HLA-DRB1: variants seen among roughly 807,000 people sequenced by gnomAD.
HLA-DRB1 encodes the protein major histocompatibility complex, class II, DR beta 1.
In HLA-DRB1, 10 loss-of-function variants were observed where a neutral mutation model predicts 27.9. That is an observed-to-expected ratio of 0.36 (90% CI 0.22 to 0.61). The LOEUF (loss-of-function observed/expected upper bound fraction) is 0.61. Among genes scored for constraint, HLA-DRB1 ranks in the 20% least tolerant of loss-of-function variants. HLA-DRB1 has a pLI of 0.73. For missense variants in HLA-DRB1, 118 were observed against 306.3 expected (o/e 0.39, Z 4.59); for synonymous variants, 57 against 126.7 (o/e 0.45, Z 3.69).
At chr6:32,589,189 A>AGAG (rs34124973) in intron 1 of HLA-DRB1, among the ~76,000 whole-genome samples, 59,313 of 92,150 alleles carry the variant, frequency 0.64, 21,430 homozygotes, top group Middle Eastern at 0.78. Flanking sequence ...TATGAGGACT[A>AGAG]TGGCCAACAC....
rs1207397234 is a variant in HLA-DRB1, at chr6:32,580,818, C to A, written c.691G>T (p.Gly231Ter). Residue 231 changes from glycine (G) to a stop codon, truncating the protein, a stop_gained, in exon 4 of 6, where the codon GGA (glycine) becomes TGA (stop). Coordinates refer to ENST00000360004, the Ensembl canonical transcript of HLA-DRB1. LOFTEE classifies it high-confidence loss of function. ...AGGCCCAGCACAAAGCCCCCGACTC[C>A]ACTCAGCATCTTGCTCTGTGCAGAT... The A allele has an allele frequency of 6.2e-7, 1 of 1,613,402 alleles. No individual in the cohort carries two copies. Among genetic ancestry groups the A allele is most frequent in the Admixed American group, 1.7e-5 (1 of 59,870 alleles).
At chr6:32,588,688 C>T (rs1776892364) in intron 1 of HLA-DRB1, among the ~76,000 whole-genome samples, 1 of 63,292 alleles carries the variant, frequency 1.6e-5, no homozygotes, top group Non-Finnish European at 3.2e-5. Flanking sequence ...TGACTTTCAG[C>T]CCTATGAGAC....
rs71540435 is a variant in HLA-DRB1 at position 32,579,296 on chromosome 6, A to G, written c.788-192T>C. 6.7e-3 allele frequency among the ~76,000 whole-genome samples: 527 copies of G among 78,094 alleles called. 19 individuals carry two copies. Among genetic ancestry groups the G allele is most frequent in the Middle Eastern group, 0.024 (3 of 124 alleles). The allele number at this position is 78,094 out of a possible 152,430, so 51.2% of individuals were successfully genotyped here. Reference sequence around the variant, plus strand: ...GAGGAATTTTGGTGTAAATTGCCTGATCAGAAATTTGGATCCAAAGTCTTT... The same window carrying G: ...GAGGAATTTTGGTGTAAATTGCCTGGTCAGAAATTTGGATCCAAAGTCTTT... On this transcript the variant is annotated intron_variant, in intron 5 of 5. Coordinates refer to ENST00000360004, the Ensembl canonical transcript of HLA-DRB1.
At chr6:32,581,313 A>G (rs9269789) in intron 3 of HLA-DRB1, among the ~76,000 whole-genome samples, 29,851 of 57,886 alleles carry the variant, frequency 0.52, 8,691 homozygotes, top group Non-Finnish European at 0.54. Context: ...CCTGACCTGC[A>G]AAATCATGGG....
exon 2 of HLA-DRB1, chr6:32,584,161 G>A (rs16822512): frequency 0.026 from 32,669 of 1,269,828 alleles, 2,874 homozygotes; most frequent in East Asian, 0.076. Context: ...GTCTGCAGTA[G>A]GTGTCCACCG....
At chr6:32,582,771 A>G (rs35259208) in intron 2 of HLA-DRB1, among the ~76,000 whole-genome samples, 15,405 of 123,092 alleles carry the variant, frequency 0.13, 2,416 homozygotes, top group Non-Finnish European at 0.13. Flanking sequence ...TCTTTCCAGA[A>G]TCACATTTGG....
chr6:32,588,153 T>A (rs34461223), intron 1 of HLA-DRB1, among the ~76,000 whole-genome samples: 4,260 of 121,874 alleles, frequency 0.035, no homozygotes, highest in Admixed American at 0.069. Context: ...GGAAATTTTT[T>A]TATTAAGAGT....
chr6:32,584,707 C>CACCCGAA (rs41288201), intron 1 of HLA-DRB1, among the ~76,000 whole-genome samples: 5 of 98,990 alleles, frequency 5.1e-5, no homozygotes, highest in African/African-American at 1.8e-4. Context: ...CTGGGAGCCC[C>CACCCGAA]AAAGACACTC....
chr6:32,581,144 A>G (rs149717632), intron 3 of HLA-DRB1, among the ~76,000 whole-genome samples: 2,165 of 77,802 alleles, frequency 0.028, 328 homozygotes, highest in African/African-American at 0.049. Flanking sequence ...AGAGTGACAA[A>G]GCTAATAAAA....
At chr6:32,586,519 A>C (rs112382456) in intron 1 of HLA-DRB1, among the ~76,000 whole-genome samples, 7,948 of 57,926 alleles carry the variant, frequency 0.14, 28 homozygotes, top group Middle Eastern at 0.19. Flanking sequence ...TTTCTCCAGC[A>C]TCCTTGGGCT....
chr6:32,582,698 C>G (rs187382130), intron 2 of HLA-DRB1, among the ~76,000 whole-genome samples: 1,609 of 89,922 alleles, frequency 0.018, 200 homozygotes, highest in South Asian at 0.054. Flanking sequence ...TTTAGCTGAT[C>G]AATGCATCTC....
At chr6:32,588,035 C>T (rs28724165) in intron 1 of HLA-DRB1, among the ~76,000 whole-genome samples, 20,790 of 120,626 alleles carry the variant, frequency 0.17, 728 homozygotes, top group East Asian at 0.2. Context: ...TTTAATGTCA[C>T]ACTAGACCCC....
intron 1 of HLA-DRB1, among the ~76,000 whole-genome samples, chr6:32,589,437 C>T (rs9270273): frequency 7.2e-5 from 5 of 69,670 alleles, no homozygotes; most frequent in South Asian, 5.0e-4. Flanking sequence ...ATGATTTGTG[C>T]AAAGGCCCCT....
chr6:32,584,771 G>C (rs111246179), intron 1 of HLA-DRB1, among the ~76,000 whole-genome samples: 12,420 of 84,560 alleles, frequency 0.15, 2,569 homozygotes, highest in Non-Finnish European at 0.16. Context: ...CACCCACCGC[G>C]TTCACCCTGT....
In HLA-DRB1 at chr6:32,589,356, T is replaced by C. The variant is rs1467126300; in HGVS notation, c.100+287A>G. Reference sequence around the variant, plus strand: ...TATGGGGAATTTATTTTAGAATCCTTATTTCTAAATCCTCTAAAGACCCTG... The same window carrying C: ...TATGGGGAATTTATTTTAGAATCCTCATTTCTAAATCCTCTAAAGACCCTG... On this transcript the variant is annotated intron_variant, in intron 1 of 5. Coordinates refer to ENST00000360004, the Ensembl canonical transcript of HLA-DRB1. Among the ~76,000 whole-genome samples, 1,256 of 140,854 alleles carry C rather than the reference T, an allele frequency of 8.9e-3. 4 individuals are homozygous for C. The highest frequency in any genetic ancestry group is 0.027 in the South Asian group (114 of 4,262). The allele number at this position is 140,854 out of a possible 152,430, so 92.4% of individuals were successfully genotyped here. A position where few individuals can be genotyped will look rare whatever the true frequency, so the allele number is the denominator to read the frequency against.
At chr6:32,584,435 C>T (rs9269964) in intron 1 of HLA-DRB1, 57 bp from the exon 2 acceptor site, 116,383 of 669,676 alleles carry the variant, frequency 0.17, 12,066 homozygotes, top group East Asian at 0.31. Flanking sequence ...ACACGGACAG[C>T]GACGCCACCA....
At chr6:32,584,768 C>T (rs1188365902) in intron 1 of HLA-DRB1, among the ~76,000 whole-genome samples, 1 of 95,650 alleles carries the variant, frequency 1.0e-5, no homozygotes. Context: ...CAGCACCCAC[C>T]GCGTTCACCC....
chr6:32,585,750 G>C (rs796656776), intron 1 of HLA-DRB1, among the ~76,000 whole-genome samples: 2 of 103,382 alleles, frequency 1.9e-5, no homozygotes, highest in Non-Finnish European at 4.0e-5. Flanking sequence ...TGACATAGAA[G>C]AAACGGACTT....
Position 32,589,515 on chromosome 6 carries a change from T to C in HLA-DRB1, c.100+128A>G, listed in dbSNP as rs28366214. On this transcript the variant is annotated intron_variant, in intron 1 of 5. Coordinates refer to ENST00000360004, the Ensembl canonical transcript of HLA-DRB1. The stretch of plus-strand genomic sequence containing the variant: ...ATGGAGGAAATAATTTGGGATCCAA[T>C]GATAAAGATGGGCAATCTCTGAAGA... 2.9e-3 allele frequency: 1,080 copies of C among 373,006 alleles called. 9 individuals are homozygous for C. The highest frequency in any genetic ancestry group is 0.026 in the East Asian group (447 of 17,094). 23.1% of individuals were successfully genotyped at this position (373,006 alleles called of 1,614,324 possible). A position where few individuals can be genotyped will look rare whatever the true frequency, so the allele number is the denominator to read the frequency against.
Sources: gnomAD v4.1 joint callset for allele counts (sites outside exome capture counted in the v4.1 genomes callset) on GRCh38, gnomAD v4.1.1 for gene constraint, MANE v1.5 for transcripts, NCBI Gene and HGNC (gene_info 2026-07-23, HGNC 2026-07-21) for gene names.